The following FBXO9 variants were observed in gnomAD, a reference collection of about 807,000 sequenced individuals.
FBXO9 encodes the protein F-box only protein 9.
In FBXO9, 43 loss-of-function variants were observed where a neutral mutation model predicts 63.7. The observed-to-expected ratio is 0.67, with a 90% CI of 0.53 to 0.87. FBXO9 has a LOEUF of 0.87. Ranked by LOEUF, FBXO9 falls within the 40% of genes least tolerant of loss-of-function variation. The pLI is 0.00. For synonymous variants in FBXO9, 156 were observed against 171.7 expected (o/e 0.91, Z 0.72); for missense variants, 442 against 533.2 (o/e 0.83, Z 1.68).
rs575567691 is a variant in FBXO9, at chr6:53,098,269, C to G, written c.*439C>G. ...GATAAGCATTTTATTTCCCGCATGG[C>G]ATAATGTTTTTGCACTAAAGGCTCA... On this transcript the variant is annotated 3_prime_UTR_variant, in exon 13 of 13. Transcript: ENST00000323557. 7 of 241,402 alleles carry G rather than the reference C, an allele frequency of 2.9e-5. No homozygotes were observed. Among genetic ancestry groups the G allele is most frequent in the Non-Finnish European group, 4.7e-5 (5 of 105,768 alleles). The allele number at this position is 241,402 out of a possible 1,614,324, so 15.0% of individuals were successfully genotyped here. A position where few individuals can be genotyped will look rare whatever the true frequency, so the allele number is the denominator to read the frequency against.
In FBXO9 at chr6:53,078,857, T is replaced by G; in HGVS notation, c.366T>G (p.Thr122=). The G allele has an allele frequency of 2.5e-6, 4 of 1,613,892 alleles. No individual in the cohort carries two copies. Among genetic ancestry groups the G allele is most frequent in the Non-Finnish European group, 3.4e-6 (4 of 1,179,804 alleles). The part of the protein sequence containing the change: ...QLVPDIEFKI[T]YTRSPDGDGV... ...TACCTGATATAGAGTTCAAGATTAC[T>G]TATACCCGGTCTCCAGATGGTGATG... Residue 122 remains threonine (T), a synonymous_variant, in exon 5 of 13, where the codon ACT becomes ACG. Transcript: ENST00000323557.
intron 3 of FBXO9, among the ~76,000 whole-genome samples, chr6:53,074,926 G>A (rs1197136457): frequency 2.0e-5 from 3 of 152,098 alleles, no homozygotes; most frequent in African/African-American, 7.2e-5. Flanking sequence ...ATGTGTGTAG[G>A]TTTTCTCATG....
chr6:53,079,724 T>C (rs1179436034), intron 5 of FBXO9, among the ~76,000 whole-genome samples: 1 of 152,142 alleles, frequency 6.6e-6, no homozygotes, highest in Non-Finnish European at 1.5e-5. Flanking sequence ...TAATGAAATA[T>C]TATATTAGCT....
chr6:53,067,710 G>A (rs1888274), intron 1 of FBXO9, among the ~76,000 whole-genome samples: 12,543 of 152,214 alleles, frequency 0.082, 703 homozygotes, highest in East Asian at 0.21. Context: ...TGAGAAGAGA[G>A]AGAAATACAC....
chr6:53,075,031 G>C (rs1769049141), intron 3 of FBXO9, among the ~76,000 whole-genome samples: 1 of 152,160 alleles, frequency 6.6e-6, no homozygotes. Flanking sequence ...AACTGCCAAA[G>C]TGTTTTCTAG....
Position 53,092,792 on chromosome 6 carries a change from C to T in FBXO9, c.831C>T (p.Phe277=). ...IRQGEQSLDG[F]YRAWHQVEYY... The stretch of plus-strand genomic sequence containing the variant: ...AAGGGGAACAGTCTCTTGATGGTTT[C>T]TATAGAGCCTGGCACCAAGTGGAAT... Residue 277 remains phenylalanine, a synonymous_variant, in exon 9 of 13, where the codon TTC becomes TTT. Transcript: ENST00000323557. The T allele has an allele frequency of 6.2e-7, 1 of 1,612,168 alleles. No individual in the cohort carries two copies. Among genetic ancestry groups the T allele is most frequent in the Non-Finnish European group, 8.5e-7 (1 of 1,178,736 alleles).
At chr6:53,065,822 C>T (rs1417521977) in intron 1 of FBXO9, 30 bp downstream of exon 1, 1 of 1,324,152 alleles carries the variant, frequency 7.6e-7, no homozygotes, top group Non-Finnish European at 9.7e-7. Context: ...CGAGGGTGGA[C>T]GCCGCGGGGC....
At position 53,098,282 on chromosome 6, in the gene FBXO9, C is replaced by T; in HGVS notation, c.*452C>T. 4.8e-6 allele frequency: 1 copy of T among 208,416 alleles called. No individual in the cohort carries two copies. The highest frequency in any genetic ancestry group is 5.7e-5 in the South Asian group (1 of 17,576). 12.9% of individuals were successfully genotyped at this position (208,416 alleles called of 1,614,324 possible). ...TTTCCCGCATGGCATAATGTTTTTGCACTAAAGGCTCAAAGTGTGAGAACC... is the reference window on the plus strand; with the variant it reads ...TTTCCCGCATGGCATAATGTTTTTGTACTAAAGGCTCAAAGTGTGAGAACC... On this transcript the variant is annotated 3_prime_UTR_variant, in exon 13 of 13. Transcript: ENST00000323557.
intron 3 of FBXO9, 30 bp downstream of exon 3, chr6:53,073,669 CA>C (rs1385054077): frequency 1.5e-6 from 2 of 1,314,374 alleles, no homozygotes; most frequent in African/African-American, 2.8e-5. Context: ...TAACAAATTA[CA>C]TTTTTTTTTT....
Position 53,100,287 on chromosome 6 carries a change from C to G in FBXO9, c.*2457C>G, listed in dbSNP as rs1275524526. 6.6e-6 allele frequency: 1 copy of G among 152,152 alleles called. No homozygotes were observed. The highest frequency in any genetic ancestry group is 1.5e-5 in the Non-Finnish European group (1 of 68,026). The allele number at this position is 152,152 out of a possible 1,614,324, so 9.4% of individuals were successfully genotyped here. A position where few individuals can be genotyped will look rare whatever the true frequency, so the allele number is the denominator to read the frequency against. ...GAAACTTTTTAACTTCAGGAGTGTCCTTCCTTTGCTCTATTAGGACATTAC... is the reference window on the plus strand; with the variant it reads ...GAAACTTTTTAACTTCAGGAGTGTCGTTCCTTTGCTCTATTAGGACATTAC... On this transcript the variant is annotated 3_prime_UTR_variant, in exon 13 of 13. Transcript: ENST00000323557.
At chr6:53,080,006 G>C (rs1187159091) in intron 5 of FBXO9, among the ~76,000 whole-genome samples, 2 of 152,110 alleles carry the variant, frequency 1.3e-5, no homozygotes, top group Non-Finnish European at 2.9e-5. Flanking sequence ...AATTTGGGTA[G>C]AGTCGTTTAG....
At chr6:53,077,013 T>C (rs1418657163) in intron 4 of FBXO9, among the ~76,000 whole-genome samples, 1 of 152,142 alleles carries the variant, frequency 6.6e-6, no homozygotes, top group Non-Finnish European at 1.5e-5. Context: ...TTTTTTTACA[T>C]TTAGCTTTAG....
chr6:53,085,317 A>G (rs534165409), intron 7 of FBXO9, among the ~76,000 whole-genome samples: 1 of 152,296 alleles, frequency 6.6e-6, no homozygotes, highest in East Asian at 1.9e-4. Context: ...GTTAGCAAAA[A>G]TCTTTGTTCA....
At position 53,099,585 on chromosome 6, in the gene FBXO9, T is replaced by TA. The variant is rs530661044; in HGVS notation, c.*1769dup. On this transcript the variant is annotated 3_prime_UTR_variant, in exon 13 of 13. Transcript: ENST00000323557. ...GCAAGACCTCATCTCTTCTAAAAAT[T>TA]AAAAAAAAAAAAAATAGGCATGGTG... The TA allele has an allele frequency of 0.01, 1,390 of 134,890 alleles. 14 individuals are homozygous for TA. Among genetic ancestry groups the TA allele is most frequent in the South Asian group, 0.031 (132 of 4,266 alleles). The allele number at this position is 134,890 out of a possible 1,614,324, so 8.4% of individuals were successfully genotyped here. A position where few individuals can be genotyped will look rare whatever the true frequency, so the allele number is the denominator to read the frequency against.
At chr6:53,089,709 T>A (rs1414881609) in intron 7 of FBXO9, among the ~76,000 whole-genome samples, 2 of 152,206 alleles carry the variant, frequency 1.3e-5, no homozygotes, top group African/African-American at 2.4e-5. Context: ...AAGGGATGTA[T>A]GGTCCTTTAT....
chr6:53,072,966 G>A (rs890627523), intron 2 of FBXO9, among the ~76,000 whole-genome samples: 10 of 152,102 alleles, frequency 6.6e-5, no homozygotes, highest in African/African-American at 1.4e-4. Context: ...CAGGTGATCC[G>A]TCTGCCTCGG....
At chr6:53,081,132 A>C in intron 6 of FBXO9, 34 bp downstream of exon 6, 1 of 1,589,904 alleles carries the variant, frequency 6.3e-7, no homozygotes, top group Non-Finnish European at 8.5e-7. Flanking sequence ...CTCAGTGAGA[A>C]ATATCTTAAC....
At position 53,099,066 on chromosome 6, in the gene FBXO9, C is replaced by T. The variant is rs969202995; in HGVS notation, c.*1236C>T. 5.3e-5 allele frequency: 8 copies of T among 152,014 alleles called. No homozygotes were observed. The highest frequency in any genetic ancestry group is 1.9e-4 in the African/African-American group (8 of 41,396). 9.4% of individuals were successfully genotyped at this position (152,014 alleles called of 1,614,324 possible). ...TTAAGAGACACTTCATAGGTTCCCACAATTCAGTATGGGATAGGCTTTTTA... is the reference window on the plus strand; with the variant it reads ...TTAAGAGACACTTCATAGGTTCCCATAATTCAGTATGGGATAGGCTTTTTA... On this transcript the variant is annotated 3_prime_UTR_variant, in exon 13 of 13. Transcript: ENST00000323557.
intron 4 of FBXO9, 90 bp from the exon 5 acceptor site, chr6:53,078,709 A>T: frequency 1.1e-6 from 1 of 929,106 alleles, no homozygotes; most frequent in South Asian, 1.5e-5. Flanking sequence ...TTGTAAAGAA[A>T]GTTACCAAAT....
Sources: allele counts gnomAD v4.1 joint callset (sites outside exome capture counted in the v4.1 genomes callset), GRCh38; gene constraint gnomAD v4.1.1; transcripts MANE v1.5; gene names NCBI Gene and HGNC (gene_info 2026-07-23, HGNC 2026-07-21).